The following METAP1 variants were observed in gnomAD, a reference collection of about 807,000 sequenced individuals.
METAP1 encodes the protein methionyl aminopeptidase 1.
A neutral mutation model predicts 53.8 loss-of-function variants in METAP1; 28 were observed. That is an observed-to-expected ratio of 0.52 (90% CI 0.39 to 0.71). METAP1 has a LOEUF of 0.71. Ranked by LOEUF, METAP1 falls within the 30% of genes least tolerant of loss-of-function variation. The pLI, the probability that METAP1 is intolerant of heterozygous loss-of-function variation, is 0.00. For missense variants in METAP1, 389 were observed against 479.8 expected (o/e 0.81, Z 1.77); for synonymous variants, 181 against 165.7 (o/e 1.09, Z -0.71).
At chr4:99,006,748 CAT>C (rs1723195517) in intron 1 of METAP1, among the ~76,000 whole-genome samples, 1 of 152,098 alleles carries the variant, frequency 6.6e-6, no homozygotes, top group Non-Finnish European at 1.5e-5. Flanking sequence ...TCAAAGCTCA[CAT>C]ATAGCATTTG....
chr4:99,040,856 C>T (rs923897982), intron 5 of METAP1, among the ~76,000 whole-genome samples, 187 bp from the exon 6 acceptor site: 7 of 151,076 alleles, frequency 4.6e-5, no homozygotes, highest in African/African-American at 1.2e-4. Context: ...CTTGTTAACC[C>T]AATTTTTATA....
At chr4:99,038,935 G>A (rs1447676642) in intron 4 of METAP1, among the ~76,000 whole-genome samples, 1 of 152,106 alleles carries the variant, frequency 6.6e-6, no homozygotes, top group East Asian at 1.9e-4. Flanking sequence ...TCACAAACTG[G>A]AGATTGAAAA....
chr4:99,024,309 G>A (rs28800592), intron 1 of METAP1, among the ~76,000 whole-genome samples: 2,091 of 152,280 alleles, frequency 0.014, 42 homozygotes, highest in African/African-American at 0.047. Context: ...TGGAGAGCTC[G>A]GCTCTTGAGA....
At chr4:99,061,119 T>G in intron 10 of METAP1, 35 bp from the exon 11 acceptor site, 2 of 1,593,330 alleles carry the variant, frequency 1.3e-6, no homozygotes, top group Non-Finnish European at 1.7e-6. Context: ...TTTAGAAAAC[T>G]GAGTGAACTA....
intron 7 of METAP1, 76 bp downstream of exon 7, chr4:99,043,463 T>G (rs778507062): frequency 2.7e-5 from 38 of 1,425,054 alleles, no homozygotes; most frequent in Non-Finnish European, 3.6e-5. Flanking sequence ...GTGACTTGTG[T>G]TTTCTTGACT....
At chr4:99,020,909 A>G (rs1724067962) in intron 1 of METAP1, among the ~76,000 whole-genome samples, 1 of 152,184 alleles carries the variant, frequency 6.6e-6, no homozygotes, top group African/African-American at 2.4e-5. Flanking sequence ...CTAAAGGACT[A>G]TCAGGAGGGA....
intron 1 of METAP1, among the ~76,000 whole-genome samples, chr4:99,004,360 CTG>C (rs1425318304): frequency 6.6e-6 from 1 of 151,988 alleles, no homozygotes; most frequent in Non-Finnish European, 1.5e-5. Context: ...TGGAGAGAGT[CTG>C]TTTCCTGAGG....
At chr4:99,017,792 AT>A (rs1281706820) in intron 1 of METAP1, among the ~76,000 whole-genome samples, 3 of 152,206 alleles carry the variant, frequency 2.0e-5, no homozygotes, top group Admixed American at 6.5e-5. Context: ...TTCCACTAAT[AT>A]GGCATTGGCT....
chr4:99,041,162 T>TTACA (rs765745878), intron 6 of METAP1, 36 bp downstream of exon 6: 49 of 1,372,394 alleles, frequency 3.6e-5, no homozygotes, highest in South Asian at 2.5e-4. Context: ...AGTAATTTTG[T>TTACA]TACATTACTA....
At chr4:98,995,910 C>A in intron 1 of METAP1, 43 bp downstream of exon 1, 1 of 1,454,760 alleles carries the variant, frequency 6.9e-7, no homozygotes. Context: ...GCTGCGGGAC[C>A]CCTCCTCGCT....
At chr4:99,010,991 C>T (rs1579248029) in intron 1 of METAP1, among the ~76,000 whole-genome samples, 1 of 150,640 alleles carries the variant, frequency 6.6e-6, no homozygotes. Context: ...TATAGAAATG[C>T]AACTGATTTT....
At chr4:99,023,941 G>C in intron 1 of METAP1, 1 of 274,794 alleles carries the variant, frequency 3.6e-6, no homozygotes, top group Non-Finnish European at 5.6e-6. Flanking sequence ...CAGTCTCCTC[G>C]AGCGTTTGGG....
chr4:99,042,107 T>A (rs1214731272), intron 6 of METAP1, among the ~76,000 whole-genome samples: 2 of 151,950 alleles, frequency 1.3e-5, no homozygotes, highest in African/African-American at 2.4e-5. Context: ...GGTTAATTAA[T>A]TAAATTGGTA....
intron 1 of METAP1, among the ~76,000 whole-genome samples, chr4:99,007,242 C>A (rs1723217291): frequency 6.6e-6 from 1 of 152,142 alleles, no homozygotes; most frequent in Non-Finnish European, 1.5e-5. Flanking sequence ...CAGGTGTGAG[C>A]CACTGCACCT....
At chr4:99,060,915 A>G (rs1175214438) in intron 10 of METAP1, among the ~76,000 whole-genome samples, 1 of 152,216 alleles carries the variant, frequency 6.6e-6, no homozygotes, top group Non-Finnish European at 1.5e-5. Context: ...CAGCGCCTTT[A>G]TTTTGGAAAT....
Position 99,048,765 on chromosome 4 carries a change from A to G in METAP1, c.820A>G (p.Asn274Asp). ...TGGTGTTCGGTACAGAGAATTGGGAAACATTATCCAGAAGCATGCCCAAGC... is the reference window on the plus strand; with the variant it reads ...TGGTGTTCGGTACAGAGAATTGGGAGACATTATCCAGAAGCATGCCCAAGC... ...KPGVRYRELG[N>D]IIQKHAQANG... Residue 274 changes from asparagine to aspartate, a missense_variant, in exon 9 of 11, where the codon AAC (asparagine) becomes GAC (aspartate). By Grantham distance (23) the Asn-to-Asp change is conservative. Transcript: ENST00000296411. 1 of 1,613,968 alleles carries G rather than the reference A, an allele frequency of 6.2e-7. No individual in the cohort carries two copies. Among genetic ancestry groups the G allele is most frequent in the Non-Finnish European group, 8.5e-7 (1 of 1,179,858 alleles).
At chr4:99,011,318 T>C (rs1723457220) in intron 1 of METAP1, among the ~76,000 whole-genome samples, 1 of 152,208 alleles carries the variant, frequency 6.6e-6, no homozygotes, top group Admixed American at 6.5e-5. Flanking sequence ...CTTTGTTATG[T>C]TGAGGTAATT....
chr4:99,053,647 C>T (rs886623785), intron 9 of METAP1, among the ~76,000 whole-genome samples: 3 of 152,228 alleles, frequency 2.0e-5, no homozygotes, highest in East Asian at 1.9e-4. Flanking sequence ...TCACTATCTA[C>T]GGCAGCCTTA....
chr4:99,008,981 G>A (rs2110283847), intron 1 of METAP1, among the ~76,000 whole-genome samples: 1 of 152,238 alleles, frequency 6.6e-6, no homozygotes, highest in East Asian at 1.9e-4. Flanking sequence ...CAGATCTCTA[G>A]AACGTTTTCA....
Sources: gnomAD v4.1 joint callset for allele counts (sites outside exome capture counted in the v4.1 genomes callset) on GRCh38, gnomAD v4.1.1 for gene constraint, MANE v1.5 for transcripts, NCBI Gene and HGNC (gene_info 2026-07-23, HGNC 2026-07-21) for gene names.